The following KCND3 variants were observed in gnomAD, a reference collection of about 807,000 sequenced individuals.
The protein encoded by KCND3 is potassium voltage-gated channel subfamily D member 3.
In KCND3, 9 loss-of-function variants were observed where a neutral mutation model predicts 51.1. The observed-to-expected ratio is 0.18, with a 90% confidence interval of 0.11 to 0.31. The LOEUF is 0.31. Among genes scored for constraint, KCND3 ranks in the 10% least tolerant of loss-of-function variants. KCND3 has a pLI of 1.00. For synonymous variants in KCND3, 349 were observed against 368.0 expected, an observed-to-expected ratio of 0.95 and a Z score of 0.59; for missense variants, 526 against 903.8, an observed-to-expected ratio of 0.58 and a Z score of 5.36.
intron 2 of KCND3, among the ~76,000 whole-genome samples, chr1:111,969,423 C>T (rs1440732856): frequency 6.6e-6 from 1 of 152,176 alleles, no homozygotes; most frequent in Non-Finnish European, 1.5e-5. Context: ...TCCCAAATGC[C>T]TCCAGTGGCA....
At chr1:111,939,801 A>G (rs530170980) in intron 2 of KCND3, among the ~76,000 whole-genome samples, 1 of 152,352 alleles carries the variant, frequency 6.6e-6, no homozygotes, top group South Asian at 2.1e-4. Flanking sequence ...GAATCGCCAC[A>G]CTGTCTTCCA....
chr1:111,854,378 CT>C (rs1341411660), intron 2 of KCND3, among the ~76,000 whole-genome samples: 1 of 152,204 alleles, frequency 6.6e-6, no homozygotes, highest in Non-Finnish European at 1.5e-5. Context: ...TTTCAAGGCA[CT>C]CTGAGAAGAT....
intron 2 of KCND3, among the ~76,000 whole-genome samples, chr1:111,961,202 G>A (rs1291052183): frequency 6.6e-6 from 1 of 152,234 alleles, no homozygotes; most frequent in Non-Finnish European, 1.5e-5. Flanking sequence ...CATCACATAT[G>A]CAGTGTGTGT....
intron 2 of KCND3, among the ~76,000 whole-genome samples, chr1:111,945,618 G>A (rs11102358): frequency 0.37 from 56,048 of 152,012 alleles, 11,012 homozygotes; most frequent in East Asian, 0.68. Context: ...GGCTTTGGCC[G>A]GGTCTCAGCC....
intron 2 of KCND3, among the ~76,000 whole-genome samples, chr1:111,787,845 AT>A (rs1172622351): frequency 1.3e-5 from 2 of 152,234 alleles, no homozygotes; most frequent in African/African-American, 2.4e-5. Flanking sequence ...TTGTATTCTT[AT>A]CCCCATTGTA....
chr1:111,873,211 C>T (rs1277813652), intron 2 of KCND3, among the ~76,000 whole-genome samples: 1 of 152,212 alleles, frequency 6.6e-6, no homozygotes, highest in African/African-American at 2.4e-5. Flanking sequence ...TGTCTCTGCC[C>T]TCTTCCAGGA....
chr1:111,821,921 C>T (rs539535833), intron 2 of KCND3, among the ~76,000 whole-genome samples: 1 of 152,202 alleles, frequency 6.6e-6, no homozygotes, highest in Admixed American at 6.5e-5. Flanking sequence ...CAGTGTCTAC[C>T]CTGTCCCCCA....
chr1:111,976,455 G>T (rs968133303), intron 2 of KCND3, among the ~76,000 whole-genome samples: 1 of 152,238 alleles, frequency 6.6e-6, no homozygotes, highest in African/African-American at 2.4e-5. Flanking sequence ...CATATCGCCA[G>T]AAGATGGTTA....
intron 2 of KCND3, among the ~76,000 whole-genome samples, chr1:111,915,130 A>ATT (rs1671134325): frequency 1.3e-5 from 2 of 152,234 alleles, no homozygotes; most frequent in South Asian, 4.1e-4. Flanking sequence ...TATGGATAAT[A>ATT]AGCCAGCAGC....
chr1:111,807,042 A>C (rs1665604420), intron 2 of KCND3, among the ~76,000 whole-genome samples: 1 of 152,244 alleles, frequency 6.6e-6, no homozygotes, highest in Non-Finnish European at 1.5e-5. Context: ...ACAGTAAATT[A>C]AAATCCTCTC....
intron 2 of KCND3, among the ~76,000 whole-genome samples, chr1:111,792,938 TA>T (rs1453918349): frequency 2.0e-5 from 3 of 148,466 alleles, no homozygotes; most frequent in Non-Finnish European, 4.5e-5. Context: ...TATATTATTT[TA>T]TATATAAAAT....
chr1:111,903,430 G>A (rs551259120), intron 2 of KCND3, among the ~76,000 whole-genome samples: 172 of 152,300 alleles, frequency 1.1e-3, no homozygotes, highest in Non-Finnish European at 4.6e-4. Context: ...AGTATGTCCT[G>A]GGCCAACTGT....
intron 2 of KCND3, among the ~76,000 whole-genome samples, chr1:111,930,455 G>C (rs1016950641): frequency 1.3e-5 from 2 of 152,258 alleles, no homozygotes; most frequent in African/African-American, 4.8e-5. Context: ...CTCAATGAAT[G>C]CTGGTTGGAT....
At chr1:111,870,806 A>G (rs1668797017) in intron 2 of KCND3, among the ~76,000 whole-genome samples, 1 of 152,254 alleles carries the variant, frequency 6.6e-6, no homozygotes, top group African/African-American at 2.4e-5. Context: ...CTATTGAGGT[A>G]CTATCCTGTG....
intron 2 of KCND3, among the ~76,000 whole-genome samples, chr1:111,881,703 G>A (rs1669334372): frequency 6.6e-6 from 1 of 152,236 alleles, no homozygotes; most frequent in African/African-American, 2.4e-5. Flanking sequence ...CAGCTGTGTG[G>A]CTCTGAGCAC....
Position 111,915,761 on chromosome 1 carries a change from A to C in KCND3, c.1106+65860T>G, listed in dbSNP as rs1296354123. The stretch of plus-strand genomic sequence containing the variant: ...AAGTGAGACTCTGTCTCAAAAAAAA[A>C]AAAACAAAAAAAAAAACTGGAGTGA... On this transcript the variant is annotated intron_variant, in intron 2 of 7. Coordinates refer to ENST00000302127, the MANE Select transcript of KCND3 (RefSeq NM_001378969.1). Among the ~76,000 whole-genome samples, 16 of 151,384 alleles carry C rather than the reference A, an allele frequency of 1.1e-4. No homozygotes were observed. The East Asian group carries it at 3.1e-3, about 29-fold the overall frequency.
chr1:111,961,268 A>G (rs1330866244), intron 2 of KCND3, among the ~76,000 whole-genome samples: 1 of 152,208 alleles, frequency 6.6e-6, no homozygotes, highest in Non-Finnish European at 1.5e-5. Context: ...TTGTGCTCTG[A>G]GCAGCTCTGT....
At chr1:111,849,163 G>A (rs1441165712) in intron 2 of KCND3, among the ~76,000 whole-genome samples, 1 of 152,182 alleles carries the variant, frequency 6.6e-6, no homozygotes, top group African/African-American at 2.4e-5. Flanking sequence ...GATTGGGCCT[G>A]AACACTGTCT....
At chr1:111,961,157 C>A (rs1255646239) in intron 2 of KCND3, among the ~76,000 whole-genome samples, 2 of 152,234 alleles carry the variant, frequency 1.3e-5, no homozygotes, top group Non-Finnish European at 2.9e-5. Context: ...GGCCAGGATT[C>A]TGGCTGGCCA....
Sources: allele counts gnomAD v4.1 joint callset (sites outside exome capture counted in the v4.1 genomes callset), GRCh38; gene constraint gnomAD v4.1.1; transcripts MANE v1.5; gene names NCBI Gene and HGNC (gene_info 2026-07-23, HGNC 2026-07-21).